Variants in RIF1 observed in about 807,000 individuals in gnomAD.
The protein encoded by RIF1 is replication timing regulatory factor 1.
A neutral mutation model predicts 247.1 loss-of-function variants in RIF1; 45 were observed. That is an observed-to-expected ratio of 0.18 (90% CI 0.14 to 0.23). The LOEUF is 0.23. Ranked by LOEUF, RIF1 falls within the 10% of genes least tolerant of loss-of-function variation. RIF1 has a pLI of 1.00. For synonymous variants in RIF1, 1,087 were observed against 978.8 expected, an observed-to-expected ratio of 1.11 and a Z score of -2.06; for missense variants, 2,967 against 2,862.5, an observed-to-expected ratio of 1.04 and a Z score of -0.83.
chr2:151,449,998 C>A (rs1312377533), intron 20 of RIF1, among the ~76,000 whole-genome samples: 1 of 152,040 alleles, frequency 6.6e-6, no homozygotes, highest in Admixed American at 6.6e-5. Context: ...TGTGCCACCA[C>A]GCCTGGCTAA....
Position 151,465,913 on chromosome 2 carries a change from A to G in RIF1, c.6393A>G (p.Thr2131=). ...CATCACAGTGTCTGGCATCTGGAAC[A>G]GCTATCTCTGAGCTAATAATAGAAG... is the stretch of plus-strand genomic sequence containing the variant. ...EEPSQCLASG[T]AISELIIEDN... The change falls in exon 30 of 36, where the codon ACA becomes ACG. Residue 2131 remains threonine, a synonymous_variant. Transcript: ENST00000444746. The G allele has an allele frequency of 6.2e-7, 1 of 1,614,216 alleles. No homozygotes were observed. The highest frequency in any genetic ancestry group is 8.5e-7 in the Non-Finnish European group (1 of 1,180,012).
chr2:151,519,962 A>T, the RIF1 span: 1 of 453,702 alleles, frequency 2.2e-6, no homozygotes, highest in African/African-American at 2.0e-5. Flanking sequence ...CAGGCATTCA[A>T]ATATATGATC....
Position 151,412,494 on chromosome 2 carries a change from TTTTG to T in RIF1, c.183+1165_183+1168del, listed in dbSNP as rs373920764. 3.4e-3 allele frequency among the ~76,000 whole-genome samples: 518 copies of T among 152,108 alleles called. 4 individuals carry two copies. Among genetic ancestry groups the T allele is most frequent in the African/African-American group, 0.012 (478 of 41,510 alleles). On this transcript the variant is annotated intron_variant, in intron 3 of 35. Transcript: ENST00000444746. ...TGCCACCATGCCCAGCTTTTGTGCT[TTTTG>T]TTTGTTTGAGACAGAGTCTTGCTGT...
intron 34 of RIF1, 118 bp from the exon 35 acceptor site, chr2:151,473,846 A>G (rs1005290575): frequency 1.5e-6 from 1 of 673,272 alleles, no homozygotes; most frequent in Non-Finnish European, 2.7e-6. Context: ...GATGGGTGGT[A>G]GAACATAGGT....
chr2:151,499,614 G>A, intron 11 of RIF1: 2 of 347,116 alleles, frequency 5.8e-6, no homozygotes. Flanking sequence ...ATTGTAACTT[G>A]AATATATTTA....
At position 151,474,846 on chromosome 2, in the gene RIF1, T is replaced by C. The variant is rs2048855139; in HGVS notation, c.7205-11T>C. On this transcript the variant is annotated splice_polypyrimidine_tract_variant and intron_variant, in intron 35 of 35. Transcript: ENST00000444746. ...TATAGATTTAATTGTGGTTTTTTTT[T>C]TCTCTTTTAGATATAATTGATCCTG... is the stretch of plus-strand genomic sequence containing the variant. 4.2e-6 allele frequency: 6 copies of C among 1,427,138 alleles called. No individual in the cohort carries two copies. Among genetic ancestry groups the C allele is most frequent in the African/African-American group, 2.8e-5 (2 of 70,344 alleles). The allele number at this position is 1,427,138 out of a possible 1,614,324, so 88.4% of individuals were successfully genotyped here. A position where few individuals can be genotyped will look rare whatever the true frequency, so the allele number is the denominator to read the frequency against.
intron 20 of RIF1, among the ~76,000 whole-genome samples, chr2:151,451,070 G>A (rs1190677289): frequency 6.6e-6 from 1 of 152,172 alleles, no homozygotes; most frequent in African/African-American, 2.4e-5. Context: ...GGAAGAGAAA[G>A]TACAGTGTTT....
the RIF1 span, chr2:151,514,901 A>T: frequency 1.3e-6 from 2 of 1,577,346 alleles, no homozygotes; most frequent in African/African-American, 1.3e-5. Context: ...CCTTTAATGG[A>T]CTCTTCATAA....
intron 8 of RIF1, 73 bp from the exon 9 acceptor site, chr2:151,428,711 A>T: frequency 8.5e-7 from 1 of 1,179,650 alleles, no homozygotes; most frequent in East Asian, 2.3e-5. Flanking sequence ...TAAGTGAATG[A>T]ATAAAGGAAT....
chr2:151,527,030 A>G, the RIF1 span: 6 of 1,568,716 alleles, frequency 3.8e-6, no homozygotes, highest in East Asian at 2.3e-5. Context: ...AAACTGTGAT[A>G]GAAGAAAGGC....
chr2:151,447,725 A>G (rs1305285736), intron 20 of RIF1, among the ~76,000 whole-genome samples: 1 of 152,134 alleles, frequency 6.6e-6, no homozygotes, highest in South Asian at 2.1e-4. Context: ...TTGTATTTTT[A>G]GTAGAGATGG....
At position 151,498,208 on chromosome 2, in the gene RIF1, C is replaced by T. The variant is rs1182049534; in HGVS notation, c.*514-1137C>T. ...AACAAAAATAAATAAATGTAAAGAT[C>T]AGTTTAATTCTGAAGTTAAGTGGCA... On this transcript the variant is annotated intron_variant and NMD_transcript_variant, in intron 10 of 13. Transcript: ENST00000454583. 3.2e-6 allele frequency: 5 copies of T among 1,549,144 alleles called. No individual in the cohort carries two copies. In the African/African-American group the frequency reaches 4.1e-5, roughly 13 times the overall value.
rs774612461 is a variant in RIF1, at chr2:151,464,143, A to G, written c.4623A>G (p.Ala1541=). 1 of 1,610,210 alleles carries G rather than the reference A, an allele frequency of 6.2e-7. No individual in the cohort carries two copies. The highest frequency in any genetic ancestry group is 2.2e-5 in the East Asian group (1 of 44,866). The change falls in exon 30 of 36, where the codon GCA becomes GCG. Residue 1541 remains alanine (A), a synonymous_variant. Transcript: ENST00000444746. ...RGRTRYQTRR[A]SQGLLSSIEN... is the part of the protein sequence containing the mutation. ...GAACACGGTATCAAACTAGAAGAGC[A>G]TCTCAGGGTTTGCTTTCCAGCATTG...
chr2:151,501,502 C>T (rs1575230724), intron 11 of RIF1: 1 of 1,406,964 alleles, frequency 7.1e-7, no homozygotes, highest in Non-Finnish European at 9.5e-7. Flanking sequence ...ACAAAACCAA[C>T]AAACAAATCA....
intron 25 of RIF1, among the ~76,000 whole-genome samples, chr2:151,459,226 G>A (rs1335864691): frequency 6.6e-6 from 1 of 152,172 alleles, no homozygotes; most frequent in African/African-American, 2.4e-5. Flanking sequence ...AGCCAGAGCT[G>A]CTGTTCATTT....
chr2:151,419,722 C>T (rs1184801731), intron 6 of RIF1, among the ~76,000 whole-genome samples: 1 of 152,128 alleles, frequency 6.6e-6, no homozygotes, highest in Non-Finnish European at 1.5e-5. Flanking sequence ...TTGTTTACAC[C>T]AGTGTCATCA....
intron 30 of RIF1, among the ~76,000 whole-genome samples, chr2:151,467,687 A>C (rs1290957101): frequency 6.6e-6 from 1 of 152,198 alleles, no homozygotes; most frequent in Non-Finnish European, 1.5e-5. Flanking sequence ...TGGTAATCCC[A>C]TAAAGTTCCT....
intron 8 of RIF1, among the ~76,000 whole-genome samples, chr2:151,424,353 C>T (rs1421324976): frequency 6.6e-6 from 1 of 152,174 alleles, no homozygotes; most frequent in African/African-American, 2.4e-5. Context: ...CTGCCCACCT[C>T]GGCCTCCCAA....
At position 151,481,076 on chromosome 2, in the gene RIF1, GGTAC is replaced by G. The variant is rs2049149412; in HGVS notation, c.*6006_*6009del. On this transcript the variant is annotated 3_prime_UTR_variant, in exon 36 of 36. Coordinates refer to ENST00000444746, the MANE Select transcript of RIF1 (RefSeq NM_018151.5). ...GCTTATTGTCTTTAGCTGCTTTCCTGGTACAGTGGCTGAGTTTAGTAGTATAGCA... is the reference window on the plus strand; with the variant it reads ...GCTTATTGTCTTTAGCTGCTTTCCTGAGTGGCTGAGTTTAGTAGTATAGCA... 1 of 152,152 alleles carries G rather than the reference GGTAC, an allele frequency of 6.6e-6. No homozygotes were observed. The highest frequency in any genetic ancestry group is 2.4e-5 in the African/African-American group (1 of 41,426). 9.4% of individuals were successfully genotyped at this position (152,152 alleles called of 1,614,324 possible). A position where few individuals can be genotyped will look rare whatever the true frequency, so the allele number is the denominator to read the frequency against.
Sources: allele counts gnomAD v4.1 joint callset (sites outside exome capture counted in the v4.1 genomes callset), GRCh38; gene constraint gnomAD v4.1.1; transcripts MANE v1.5; gene names NCBI Gene and HGNC (gene_info 2026-07-23, HGNC 2026-07-21).